Variants in ZNF676 observed in about 807,000 individuals in gnomAD.
ZNF676 encodes the protein zinc finger protein 676.
In ZNF676, 4 loss-of-function variants were observed where a neutral mutation model predicts 6.0. The observed-to-expected ratio is 0.67, with a 90% CI of 0.33 to 1.53. The LOEUF (loss-of-function observed/expected upper bound fraction) is 1.53, where lower values mean the gene tolerates loss of function less well. ZNF676 is among the 40% of genes most tolerant of loss of function. The pLI, the probability that ZNF676 is intolerant of heterozygous loss-of-function variation, is 0.06. For missense variants in ZNF676, 644 were observed against 679.7 expected (o/e 0.95, Z 0.58); for synonymous variants, 198 against 223.1 (o/e 0.89, Z 1.00).
chr19:22,187,484 A>T (rs910287911), intron 2 of ZNF676, among the ~76,000 whole-genome samples: 2 of 152,108 alleles, frequency 1.3e-5, no homozygotes, highest in African/African-American at 2.4e-5. Flanking sequence ...ATCAAATTCA[A>T]ACCCTAGCAG....
chr19:22,249,473 C>A, the ZNF676 span, among the ~76,000 whole-genome samples: 1 of 152,002 alleles, frequency 6.6e-6, no homozygotes, highest in African/African-American at 2.4e-5. Flanking sequence ...AGTGCAGTGG[C>A]GCAATCTCAG....
At chr19:22,222,186 A>G in the ZNF676 span, among the ~76,000 whole-genome samples, 1 of 151,950 alleles carries the variant, frequency 6.6e-6, no homozygotes, top group East Asian at 1.9e-4. Context: ...CTCACTTGCA[A>G]CCTCCACCTC....
the ZNF676 span, among the ~76,000 whole-genome samples, chr19:22,227,525 G>A: frequency 6.6e-6 from 1 of 152,116 alleles, no homozygotes. Context: ...CAGAACTGAA[G>A]GAGATAGAGA....
chr19:22,209,075 G>A (rs1423167052), intron 1 of ZNF676, among the ~76,000 whole-genome samples: 3 of 152,122 alleles, frequency 2.0e-5, no homozygotes, highest in African/African-American at 7.2e-5. Context: ...GACCAGCCTG[G>A]CCAACATGGC....
At position 22,192,963 on chromosome 19, in the gene ZNF676, C is replaced by T. The variant is rs375066957; in HGVS notation, c.130+53G>A. 442 of 1,538,348 alleles carry T rather than the reference C, an allele frequency of 2.9e-4. 2 individuals carry two copies. In the African/African-American group the frequency reaches 5.2e-3, roughly 18 times the overall value. ...CCCAAATGACTTTAAGGACTGGCTT[C>T]CTCATTGACTTTGGACTTCTCATTC... On this transcript the variant is annotated intron_variant, in intron 2 of 2. Transcript: ENST00000397121.
intron 2 of ZNF676, among the ~76,000 whole-genome samples, chr19:22,189,153 C>T (rs2023873566): frequency 6.6e-6 from 1 of 152,064 alleles, no homozygotes; most frequent in African/African-American, 2.4e-5. Flanking sequence ...GGTATCCAAA[C>T]AGATATATAG....
intron 2 of ZNF676, among the ~76,000 whole-genome samples, chr19:22,184,074 C>T (rs1265326888): frequency 6.6e-6 from 1 of 152,082 alleles, no homozygotes; most frequent in African/African-American, 2.4e-5. Flanking sequence ...GGCAAGATGG[C>T]CAAATAGGAA....
rs763088567 is a variant in ZNF676, at chr19:22,196,602, A to G, written c.32T>C (p.Leu11Pro). The change falls in exon 1 of 3, where the codon CTG becomes CCG. Residue 11 changes from leucine to proline, a missense_variant and splice_region_variant. Transcript: ENST00000397121. ...TTGCGTATTAAAGTTATTCTCACCC[A>G]GGAAGACCAGGTTTCTGTAGTTCTC... is the stretch of plus-strand genomic sequence containing the variant. MLENYRNLVF[L>P]GIAAFKPDLI... is the part of the protein sequence containing the mutation. 6.2e-7 allele frequency: 1 copy of G among 1,613,736 alleles called. No homozygotes were observed. The highest frequency in any genetic ancestry group is 1.7e-5 in the Admixed American group (1 of 60,002).
At position 22,181,388 on chromosome 19, in the gene ZNF676, C is replaced by T. The variant is rs371042997; in HGVS notation, c.329G>A (p.Ser110Asn). ...ATATTTGCCACATTGAAATACTTTG[C>T]TCTGTGTAGTTGTTAAACTCTGGTT... ...KLNQSLTTTQ[S>N]KVFQCGKYAN... Residue 110 changes from serine (S) to asparagine (N), a missense_variant, in exon 3 of 3, where the codon AGC becomes AAC. Ser to Asn is a conservative substitution (Grantham distance 46). Transcript: ENST00000397121. 1.4e-5 allele frequency: 23 copies of T among 1,613,554 alleles called. No individual in the cohort carries two copies. In the African/African-American group the frequency reaches 2.1e-4, roughly 15 times the overall value.
intron 1 of ZNF676, among the ~76,000 whole-genome samples, chr19:22,202,354 T>G (rs1246804542): frequency 2.0e-5 from 3 of 152,166 alleles, no homozygotes; most frequent in Admixed American, 6.6e-5. Context: ...TAAAAGTGAC[T>G]GCAGAGGATG....
Position 22,181,482 on chromosome 19 carries a change from A to C in ZNF676, c.235T>G (p.Leu79Val). 1.9e-6 allele frequency: 3 copies of C among 1,613,602 alleles called. No individual in the cohort carries two copies. Among genetic ancestry groups the C allele is most frequent in the Non-Finnish European group, 2.5e-6 (3 of 1,179,766 alleles). Residue 79 changes from leucine to valine, a missense_variant, in exon 3 of 3, where the codon TTA (leucine) becomes GTA (valine). Transcript: ENST00000397121. ...TTGGTACAACTAATTTTTAAGTGTA[A>C]ATTCTCATGTCCACATTTGTCATAT... ...RRYDKCGHEN[L>V]HLKISCTNVD...
chr19:22,183,339 T>C (rs2023788028), intron 2 of ZNF676, among the ~76,000 whole-genome samples: 1 of 152,176 alleles, frequency 6.6e-6, no homozygotes, highest in Non-Finnish European at 1.5e-5. Context: ...ATAGATTTAT[T>C]AACATTTTTT....
chr19:22,183,126 T>A (rs1040133968), intron 2 of ZNF676, among the ~76,000 whole-genome samples: 1 of 151,880 alleles, frequency 6.6e-6, no homozygotes, highest in African/African-American at 2.4e-5. Flanking sequence ...CAAAAAAATC[T>A]GTATACATAC....
chr19:22,251,288 A>G, the ZNF676 span, among the ~76,000 whole-genome samples: 1 of 152,254 alleles, frequency 6.6e-6, no homozygotes, highest in Non-Finnish European at 1.5e-5. Context: ...CAGTTTTACC[A>G]TGATTTGTCT....
the ZNF676 span, among the ~76,000 whole-genome samples, chr19:22,240,693 T>C: frequency 1.3e-5 from 2 of 151,930 alleles, no homozygotes. Context: ...CTCAGGAGAC[T>C]GAGACAGAAG....
chr19:22,182,585 T>TTAAAAAAAAAAAAAAAA (rs376894161), intron 2 of ZNF676, among the ~76,000 whole-genome samples: 1 of 45,066 alleles, frequency 2.2e-5, no homozygotes, highest in African/African-American at 1.1e-4. Flanking sequence ...GTCAAAGTTC[T>TTAAAAAAAAAAAAAAAA]AAAAAAAAAA....
At chr19:22,206,839 C>A (rs557559999) in intron 1 of ZNF676, among the ~76,000 whole-genome samples, 3 of 152,224 alleles carry the variant, frequency 2.0e-5, no homozygotes, top group African/African-American at 7.2e-5. Flanking sequence ...GAATTAAAGA[C>A]AGAAATCACA....
chr19:22,225,319 A>G, the ZNF676 span, among the ~76,000 whole-genome samples: 1 of 151,634 alleles, frequency 6.6e-6, no homozygotes, highest in African/African-American at 2.4e-5. Context: ...TATTCCATGT[A>G]TGTGTATGTT....
At chr19:22,231,419 T>G in the ZNF676 span, among the ~76,000 whole-genome samples, 1 of 151,518 alleles carries the variant, frequency 6.6e-6, no homozygotes, top group Non-Finnish European at 1.5e-5. Context: ...TTCAGAGACA[T>G]ACATTTAATA....
Sources: allele counts gnomAD v4.1 joint callset (sites outside exome capture counted in the v4.1 genomes callset), GRCh38; gene constraint gnomAD v4.1.1; transcripts MANE v1.5; gene names NCBI Gene and HGNC (gene_info 2026-07-23, HGNC 2026-07-21).